CCDC33: variants seen among roughly 807,000 people sequenced by gnomAD.
CCDC33 encodes coiled-coil domain containing 33.
CCDC33 carries 94 observed loss-of-function variants against 91.9 expected under a neutral mutation model. The observed-to-expected ratio is 1.02, with a 90% confidence interval of 0.87 to 1.21. The LOEUF (loss-of-function observed/expected upper bound fraction) is 1.21, where lower values mean the gene tolerates loss of function less well. CCDC33 is among the 50% of genes most tolerant of loss of function. The probability of loss-of-function intolerance (pLI) is 0.00; values close to 1 mark genes in which losing one functional copy is unlikely to be tolerated. For synonymous variants in CCDC33, 396 were observed against 374.5 expected, an observed-to-expected ratio of 1.06 and a Z score of -0.66; for missense variants, 940 against 935.5, an observed-to-expected ratio of 1.00 and a Z score of -0.06.
At chr15:74,267,177 A>C (rs2076187592) in intron 4 of CCDC33, among the ~76,000 whole-genome samples, 2 of 152,208 alleles carry the variant, frequency 1.3e-5, no homozygotes, top group Non-Finnish European at 2.9e-5. Flanking sequence ...TCTAATCCTC[A>C]AGGTAAATTA....
At chr15:74,314,315 C>T (rs953579777) in intron 11 of CCDC33, among the ~76,000 whole-genome samples, 1 of 152,240 alleles carries the variant, frequency 6.6e-6, no homozygotes, top group African/African-American at 2.4e-5. Flanking sequence ...GTGCCCACCA[C>T]AGGGCCTGGC....
At chr15:74,250,562 G>C (rs73432381) in intron 2 of CCDC33, among the ~76,000 whole-genome samples, 8,187 of 152,110 alleles carry the variant, frequency 0.054, 725 homozygotes, top group African/African-American at 0.19. Context: ...CTCATTACAT[G>C]TTTTCATGCG....
intron 6 of CCDC33, 38 bp downstream of exon 6, chr15:74,271,832 G>C: frequency 6.4e-7 from 1 of 1,563,300 alleles, no homozygotes; most frequent in East Asian, 2.3e-5. Context: ...GAGGAGGGCA[G>C]AGCAGAGGGC....
upstream of CCDC33, chr15:74,213,566 T>G (rs1325004364): frequency 6.6e-6 from 1 of 152,270 alleles, no homozygotes; most frequent in Non-Finnish European, 1.5e-5. Flanking sequence ...ACCTGCCTCT[T>G]GTTGGTGATT....
At chr15:74,309,863 G>A (rs539541790) in intron 11 of CCDC33, among the ~76,000 whole-genome samples, 4 of 152,286 alleles carry the variant, frequency 2.6e-5, no homozygotes, top group African/African-American at 9.6e-5. Context: ...AAAACTCTGG[G>A]AGAAGCTAGC....
chr15:74,280,180 T>G (rs2076555495), intron 8 of CCDC33, 88 bp downstream of exon 8: 1 of 1,490,976 alleles, frequency 6.7e-7, no homozygotes, highest in African/African-American at 1.4e-5. Flanking sequence ...CACCTCTGCC[T>G]CCCACAGGGA....
intron 5 of CCDC33, among the ~76,000 whole-genome samples, chr15:74,269,185 A>G (rs1411046884): frequency 1.3e-5 from 2 of 151,860 alleles, no homozygotes; most frequent in Non-Finnish European, 2.9e-5. Flanking sequence ...CAACTTTCAA[A>G]CTGCCCATGG....
In CCDC33 at chr15:74,272,907, A is replaced by G; in HGVS notation, c.759+16A>G. On this transcript the variant is annotated intron_variant, in intron 7 of 18. Coordinates refer to ENST00000398814, the MANE Select transcript of CCDC33 (RefSeq NM_025055.5). ...ATGCCCTCAGGTATGTCTCCTCCCCAGTGGTTCCAGCTTCCTGTAACTACC... is the reference window on the plus strand; with the variant it reads ...ATGCCCTCAGGTATGTCTCCTCCCCGGTGGTTCCAGCTTCCTGTAACTACC... 6.2e-7 allele frequency: 1 copy of G among 1,613,914 alleles called. No homozygotes were observed. The highest frequency in any genetic ancestry group is 8.5e-7 in the Non-Finnish European group (1 of 1,179,870).
At chr15:74,230,884 G>C (rs985605902) in intron 2 of CCDC33, among the ~76,000 whole-genome samples, 2 of 152,186 alleles carry the variant, frequency 1.3e-5, no homozygotes, top group African/African-American at 2.4e-5. Flanking sequence ...TCCGGTGCCT[G>C]GCAGAACCAG....
chr15:74,208,777 T>G (rs575620474), intron 1 of CCDC33: 2 of 988,820 alleles, frequency 2.0e-6, no homozygotes, highest in East Asian at 2.3e-4. Flanking sequence ...CCACCTGGCC[T>G]CCCAGACTTG....
rs2060099350 is a variant in CCDC33, at chr15:74,316,998, G to A, written c.1291-13191G>A. On this transcript the variant is annotated intron_variant, in intron 11 of 18. Coordinates refer to ENST00000398814, the MANE Select transcript of CCDC33 (RefSeq NM_025055.5). The surrounding 1 kb of genome is among the most constrained non-coding windows in gnomAD (Gnocchi z 4.7). ...CCCACTCAAATAAGAACTAATAGGA[G>A]TATGGGGATTGTCTTGTGCCACTCC... is the stretch of plus-strand genomic sequence containing the variant. Among the ~76,000 whole-genome samples, 1 of 152,206 alleles carries A rather than the reference G, an allele frequency of 6.6e-6. No homozygotes were observed. Among genetic ancestry groups the A allele is most frequent in the African/African-American group, 2.4e-5 (1 of 41,440 alleles).
chr15:74,259,955 T>C (rs1595966616), intron 2 of CCDC33, among the ~76,000 whole-genome samples: 1 of 152,266 alleles, frequency 6.6e-6, no homozygotes, highest in East Asian at 1.9e-4. Context: ...GACTGACTTC[T>C]TCCTGACACA....
intron 11 of CCDC33, among the ~76,000 whole-genome samples, chr15:74,329,646 C>A (rs951211607): frequency 6.6e-6 from 1 of 152,044 alleles, no homozygotes; most frequent in Non-Finnish European, 1.5e-5. Context: ...CTCCACTAAG[C>A]TCTAACCTGG....
At position 74,336,051 on chromosome 15, in the gene CCDC33, T is replaced by A; in HGVS notation, c.2266T>A (p.Ter756ArgextTer?). 1 of 1,613,688 alleles carries A rather than the reference T, an allele frequency of 6.2e-7. No individual in the cohort carries two copies. The highest frequency in any genetic ancestry group is 1.1e-5 in the South Asian group (1 of 91,078). ...GGAGACCGCTAACTCTCAGCAGACC[T>A]GAGCCCCAGAGCAGGCCTCCTTCCC... ...QKETANSQQT[*>R] The change falls in exon 19 of 19, where the codon TGA becomes AGA. Residue 756 changes from the stop codon to arginine (R), a stop_lost. Transcript: ENST00000398814.
chr15:74,280,162 GAC>G, intron 8 of CCDC33, 70 bp downstream of exon 8: 2 of 1,572,518 alleles, frequency 1.3e-6, no homozygotes, highest in Non-Finnish European at 1.7e-6. Flanking sequence ...AGGGTGTTCA[GAC>G]CATCCCACCT....
chr15:74,317,911 G>A (rs1286779056), intron 11 of CCDC33, among the ~76,000 whole-genome samples: 1 of 53,952 alleles, frequency 1.9e-5, no homozygotes, highest in Non-Finnish European at 3.6e-5. Context: ...TTTTTTTTTT[G>A]CTTCCCAGTG....
intron 7 of CCDC33, among the ~76,000 whole-genome samples, chr15:74,276,784 C>T (rs910139535): frequency 6.6e-6 from 1 of 152,240 alleles, no homozygotes; most frequent in Admixed American, 6.5e-5. Flanking sequence ...CTCCAGCCTC[C>T]ACCTCTGCTG....
In CCDC33 at chr15:74,332,753, G is replaced by A; in HGVS notation, c.1846G>A (p.Val616Met). The A allele has an allele frequency of 6.2e-7, 1 of 1,614,210 alleles. No homozygotes were observed. The highest frequency in any genetic ancestry group is 8.5e-7 in the Non-Finnish European group (1 of 1,180,026). ...GENLPVELYSVLLAENAKLRT... is the reference protein window; with the variant it reads ...GENLPVELYSMLLAENAKLRT... The stretch of plus-strand genomic sequence containing the variant: ...GAACCTGCCGGTTGAACTTTACTCG[G>A]TGCTGCTGGCAGAAAACGCGAAGCT... Residue 616 changes from valine (V) to methionine (M), a missense_variant, in exon 16 of 19, where the codon GTG (valine) becomes ATG (methionine). Coordinates refer to ENST00000398814, the MANE Select transcript of CCDC33 (RefSeq NM_025055.5).
chr15:74,332,730 A>T lies in CCDC33; in HGVS notation c.1823A>T (p.Asn608Ile). Residue 608 changes from asparagine to isoleucine, a missense_variant, in exon 16 of 19, where the codon AAC becomes ATC. Transcript: ENST00000398814. ...SGLPLGSMGE[N>I]LPVELYSVLL... ...CTTCCCTTGGGTTCTATGGGAGAGAACCTGCCGGTTGAACTTTACTCGGTG... is the reference window on the plus strand; with the variant it reads ...CTTCCCTTGGGTTCTATGGGAGAGATCCTGCCGGTTGAACTTTACTCGGTG... 1 of 1,614,130 alleles carries T rather than the reference A, an allele frequency of 6.2e-7. No individual in the cohort carries two copies. The highest frequency in any genetic ancestry group is 8.5e-7 in the Non-Finnish European group (1 of 1,180,006).
Sources: gnomAD v4.1 joint callset for allele counts (sites outside exome capture counted in the v4.1 genomes callset) on GRCh38, gnomAD v4.1.1 for gene constraint, Gnocchi (gnomAD v3.1) non-coding constraint, MANE v1.5 for transcripts, NCBI Gene and HGNC (gene_info 2026-07-23, HGNC 2026-07-21) for gene names.